The following SLC47A1 variants were observed in gnomAD, a reference collection of about 807,000 sequenced individuals.
SLC47A1 encodes multidrug and toxin extrusion protein 1.
In SLC47A1, 58 loss-of-function variants were observed where a neutral mutation model predicts 65.8. That is an observed-to-expected ratio of 0.88 (90% CI 0.71 to 1.10). The LOEUF (loss-of-function observed/expected upper bound fraction) is 1.10. SLC47A1 is among the 50% of genes least tolerant of loss of function. The probability of loss-of-function intolerance (pLI) is 0.00; values close to 1 mark genes in which losing one functional copy is unlikely to be tolerated. For missense variants in SLC47A1, 706 were observed against 719.2 expected (o/e 0.98, Z 0.21); for synonymous variants, 285 against 295.0 (o/e 0.97, Z 0.35).
rs770148125 is a variant in SLC47A1, at chr17:19,567,171, G to A, written c.1252G>A (p.Val418Met). The change falls in exon 14 of 17, where the codon GTG (valine) becomes ATG (methionine). Residue 418 changes from valine to methionine, a missense_variant. Physicochemically the swap from Val to Met is conservative, Grantham distance 21 (BLOSUM62 1). Transcript: ENST00000270570. ...GAIVNTIGYY[V>M]VGLPIGIALM... ...CATTGTGAATACCATTGGGTACTAT[G>A]TGGTTGGCCTCCCCATCGGGATCGC... The A allele has an allele frequency of 6.2e-7, 1 of 1,614,214 alleles. No homozygotes were observed. Among genetic ancestry groups the A allele is most frequent in the Admixed American group, 1.7e-5 (1 of 60,014 alleles).
chr17:19,571,557 A>G lies in SLC47A1; in HGVS notation c.1389A>G (p.Lys463=). 6.2e-7 allele frequency: 1 copy of G among 1,613,972 alleles called. No individual in the cohort carries two copies. Among genetic ancestry groups the G allele is most frequent in the Non-Finnish European group, 8.5e-7 (1 of 1,179,848 alleles). ...GCTTTATTATTCAGCTAAATTGGAA[A>G]AAAGCCTGTCAGCAGGTAACTATGT... ...FLGFIIQLNW[K]KACQQAQVHA... The change falls in exon 15 of 17, where the codon AAA becomes AAG. Residue 463 remains lysine, a synonymous_variant. Coordinates refer to ENST00000270570, the MANE Select transcript of SLC47A1 (RefSeq NM_018242.3).
At chr17:19,560,369 TG>T (rs781148231) in intron 11 of SLC47A1, 48 bp from the exon 12 acceptor site, 1 of 1,610,874 alleles carries the variant, frequency 6.2e-7, no homozygotes, top group Admixed American at 1.7e-5. Flanking sequence ...CCACTTCCTG[TG>T]GATCTTCTTG....
intron 1 of SLC47A1, chr17:19,534,840 A>G (rs553076674): frequency 1.3e-5 from 2 of 152,212 alleles, no homozygotes; most frequent in Non-Finnish European, 2.9e-5. Flanking sequence ...TTTAAAAACC[A>G]CAAAAACACA....
chr17:19,538,874 G>C (rs1178799303), intron 1 of SLC47A1, among the ~76,000 whole-genome samples: 3 of 152,118 alleles, frequency 2.0e-5, no homozygotes, highest in African/African-American at 7.2e-5. Context: ...TTTGCTTATT[G>C]TTGTCTGGCC....
intron 1 of SLC47A1, among the ~76,000 whole-genome samples, chr17:19,541,860 C>T (rs1267803385): frequency 6.6e-6 from 1 of 152,196 alleles, no homozygotes; most frequent in African/African-American, 2.4e-5. Context: ...GGCGCAGTGG[C>T]TCACGCCTGT....
At chr17:19,540,973 A>G (rs1412178280) in intron 1 of SLC47A1, among the ~76,000 whole-genome samples, 2 of 152,196 alleles carry the variant, frequency 1.3e-5, no homozygotes, top group Non-Finnish European at 2.9e-5. Flanking sequence ...TCTAGGGAAG[A>G]AAAGAGGGAG....
At chr17:19,546,846 C>A in intron 3 of SLC47A1, 1 of 217,320 alleles carries the variant, frequency 4.6e-6, no homozygotes. Context: ...TGTTAAAACC[C>A]AGCTTGCCTG....
At chr17:19,549,522 G>T in intron 4 of SLC47A1, 113 bp from the exon 5 acceptor site, 1 of 1,156,690 alleles carries the variant, frequency 8.6e-7, no homozygotes, top group East Asian at 2.3e-5. Flanking sequence ...CCATTAATCT[G>T]GAAACAGCCA....
At chr17:19,558,655 G>C (rs115252189) in intron 10 of SLC47A1, among the ~76,000 whole-genome samples, 154 of 152,070 alleles carry the variant, frequency 1.0e-3, no homozygotes, top group African/African-American at 3.5e-3. Flanking sequence ...ATGTTGCCCA[G>C]GCTGGTCTCA....
At chr17:19,548,429 G>A (rs771805801) in intron 4 of SLC47A1, among the ~76,000 whole-genome samples, 11 of 151,772 alleles carry the variant, frequency 7.2e-5, no homozygotes, top group South Asian at 2.1e-4. Flanking sequence ...CTTGACCTTC[G>A]TTGATATTAA....
At chr17:19,569,219 A>G (rs1309535047) in intron 14 of SLC47A1, among the ~76,000 whole-genome samples, 1 of 151,856 alleles carries the variant, frequency 6.6e-6, no homozygotes, top group Non-Finnish European at 1.5e-5. Flanking sequence ...TAAAAATACA[A>G]AAATTAGCCA....
At chr17:19,573,331 G>A (rs983577182) in intron 16 of SLC47A1, among the ~76,000 whole-genome samples, 2 of 152,070 alleles carry the variant, frequency 1.3e-5, no homozygotes, top group African/African-American at 4.8e-5. Flanking sequence ...TAGGCAGTTA[G>A]CCACCCACTC....
chr17:19,572,442 C>T (rs528861915), intron 15 of SLC47A1, among the ~76,000 whole-genome samples: 1 of 151,982 alleles, frequency 6.6e-6, no homozygotes, highest in African/African-American at 2.4e-5. Flanking sequence ...TACAGACATG[C>T]GCCACCATGC....
intron 5 of SLC47A1, among the ~76,000 whole-genome samples, chr17:19,550,406 C>T (rs768863986): frequency 2.4e-4 from 37 of 152,172 alleles, no homozygotes; most frequent in African/African-American, 8.9e-4. Flanking sequence ...ACCTCTGCCT[C>T]CCTGGCTCAA....
chr17:19,555,627 A>G lies in SLC47A1; in HGVS notation c.676A>G (p.Thr226Ala), dbSNP rs1916581202. ...SALANLISQY[T>A]LALLLFLYIL... ...ACTGGCAAACTTGATTTCCCAGTAC[A>G]CCCTGGCTCTACTCCTCTTTCTCTA... Residue 226 changes from threonine to alanine, a missense_variant, in exon 8 of 17, where the codon ACC becomes GCC. Thr to Ala is a moderately conservative substitution (Grantham distance 58). Transcript: ENST00000270570. 6.2e-7 allele frequency: 1 copy of G among 1,614,110 alleles called. No homozygotes were observed. The highest frequency in any genetic ancestry group is 1.7e-5 in the Admixed American group (1 of 60,010).
chr17:19,566,979 A>G (rs2084362816), intron 13 of SLC47A1, 117 bp from the exon 14 acceptor site: 3 of 1,591,650 alleles, frequency 1.9e-6, no homozygotes, highest in Non-Finnish European at 1.7e-6. Context: ...CATTTCGTTT[A>G]GAAGGATACT....
At chr17:19,540,279 A>G (rs1331984407) in intron 1 of SLC47A1, among the ~76,000 whole-genome samples, 5 of 152,144 alleles carry the variant, frequency 3.3e-5, no homozygotes, top group Non-Finnish European at 7.4e-5. Flanking sequence ...GCCATGAAAA[A>G]CAGCTCACAG....
rs2084335604 is a variant in SLC47A1, at chr17:19,563,875, G to A, written c.1107-2915G>A. Among the ~76,000 whole-genome samples, 2 of 152,062 alleles carry A rather than the reference G, an allele frequency of 1.3e-5. 1 individual carries two copies. The highest frequency in any genetic ancestry group is 4.8e-5 in the African/African-American group (2 of 41,396). On this transcript the variant is annotated intron_variant, in intron 12 of 16. Transcript: ENST00000270570. ...GTGGTGGCACGCACCTGTAGTCCCA[G>A]CTACTCGGGAGGCTGAGGCAGGAGA...
intron 14 of SLC47A1, 90 bp downstream of exon 14, chr17:19,567,318 C>T: frequency 6.4e-7 from 1 of 1,571,136 alleles, no homozygotes; most frequent in Non-Finnish European, 8.7e-7. Flanking sequence ...TGAGGCTCAC[C>T]TCTGAAACTC....
Sources: allele counts gnomAD v4.1 joint callset (sites outside exome capture counted in the v4.1 genomes callset), GRCh38; gene constraint gnomAD v4.1.1; transcripts MANE v1.5; gene names NCBI Gene and HGNC (gene_info 2026-07-23, HGNC 2026-07-21).